EFR3B: variants seen among roughly 807,000 people sequenced by gnomAD.
EFR3B encodes protein EFR3 homolog B.
A neutral mutation model predicts 104.7 loss-of-function variants in EFR3B; 64 were observed. The ratio of observed to expected loss-of-function variants is 0.61; its 90% confidence interval spans 0.50 to 0.75. The LOEUF (loss-of-function observed/expected upper bound fraction) is 0.75, where lower values mean the gene tolerates loss of function less well. Ranked by LOEUF, EFR3B falls within the 30% of genes least tolerant of loss-of-function variation. EFR3B has a pLI of 0.00. For missense variants in EFR3B, 750 were observed against 1,078.5 expected (o/e 0.70, Z 4.27); for synonymous variants, 385 against 417.9 (o/e 0.92, Z 0.96).
Position 25,139,075 on chromosome 2 carries a change from A to G in EFR3B, c.1739A>G (p.Asn580Ser), listed in dbSNP as rs754479374. ...TTGCCGCAGGACGTGGCCCAAGTCA[A>G]TGAGGAGAACTTGCCTGTCTACAAC... ...VLAVQDVAQV[N>S]EENLPVYNRC... Residue 580 changes from asparagine (N) to serine (S), a missense_variant, in exon 16 of 23, where the codon AAT becomes AGT. By Grantham distance (46) the Asn-to-Ser change is conservative (BLOSUM62 1). Coordinates refer to ENST00000403714, the MANE Select transcript of EFR3B (RefSeq NM_014971.2). 71 of 1,551,606 alleles carry G rather than the reference A, an allele frequency of 4.6e-5. No homozygotes were observed. Among genetic ancestry groups the G allele is most frequent in the Non-Finnish European group, 5.9e-5 (68 of 1,146,996 alleles).
chr2:25,128,541 G>A (rs1030941622), intron 6 of EFR3B, among the ~76,000 whole-genome samples: 4 of 152,170 alleles, frequency 2.6e-5, no homozygotes, highest in African/African-American at 4.8e-5. Context: ...TAACATGTGC[G>A]TTACCGAAGG....
chr2:25,059,219 T>C (rs535021265), intron 1 of EFR3B, among the ~76,000 whole-genome samples: 1 of 151,684 alleles, frequency 6.6e-6, no homozygotes, highest in Admixed American at 6.6e-5. Flanking sequence ...ACCAAGCCAT[T>C]CTCTTGCCTC....
chr2:25,090,793 A>G (rs188409859), intron 1 of EFR3B, among the ~76,000 whole-genome samples: 79 of 152,368 alleles, frequency 5.2e-4, no homozygotes, highest in Non-Finnish European at 1.0e-3. Flanking sequence ...GGGAGACTGA[A>G]GAGCAGGGAA....
chr2:25,113,026 C>T (rs1456649450), intron 4 of EFR3B, among the ~76,000 whole-genome samples: 2 of 152,072 alleles, frequency 1.3e-5, no homozygotes, highest in Non-Finnish European at 2.9e-5. Flanking sequence ...AGTTTTCACA[C>T]CATTTTGCCT....
rs1315103993 is a variant in EFR3B at position 25,143,762 on chromosome 2, C to G, written c.1950C>G (p.Val650=). 1 of 1,551,558 alleles carries G rather than the reference C, an allele frequency of 6.4e-7. No homozygotes were observed. Among genetic ancestry groups the G allele is most frequent in the South Asian group, 1.2e-5 (1 of 84,026 alleles). ...TGTCTCAGAATCTTGATGGGGTGGT[C>G]ATTGAGCTCCTCTTCCGCCAGAGCA... ...PRLSQNLDGV[V]IELLFRQSKI... is the part of the protein sequence containing the mutation. The change falls in exon 18 of 23, where the codon GTC becomes GTG. Residue 650 remains valine (V), a synonymous_variant. Coordinates refer to ENST00000403714, the MANE Select transcript of EFR3B (RefSeq NM_014971.2).
At chr2:25,128,467 G>A (rs1220946096) in intron 6 of EFR3B, 135 bp downstream of exon 6, 4 of 1,195,716 alleles carry the variant, frequency 3.3e-6, no homozygotes, top group Non-Finnish European at 4.7e-6. Context: ...TTGTTCTGCA[G>A]TGAGTCCAAA....
intron 4 of EFR3B, among the ~76,000 whole-genome samples, chr2:25,113,536 C>T (rs544783344): frequency 2.0e-5 from 3 of 151,940 alleles, no homozygotes; most frequent in South Asian, 4.2e-4. Flanking sequence ...GGCGTGGTGG[C>T]GGGCGCCTGT....
At chr2:25,109,044 G>C (rs1669646890) in intron 4 of EFR3B, among the ~76,000 whole-genome samples, 1 of 151,710 alleles carries the variant, frequency 6.6e-6, no homozygotes, top group Non-Finnish European at 1.5e-5. Flanking sequence ...ATTAAAACTT[G>C]TATGCACCAA....
chr2:25,076,903 A>T (rs954853185), intron 1 of EFR3B, among the ~76,000 whole-genome samples: 11 of 152,186 alleles, frequency 7.2e-5, no homozygotes, highest in African/African-American at 2.7e-4. Flanking sequence ...TCTCACCCAC[A>T]CTATCTCCCC....
chr2:25,117,754 T>C (rs1330320398), intron 4 of EFR3B, among the ~76,000 whole-genome samples: 3 of 152,052 alleles, frequency 2.0e-5, no homozygotes, highest in Non-Finnish European at 4.4e-5. Flanking sequence ...GCCCACTTTC[T>C]CATCCACCTC....
intron 1 of EFR3B, chr2:25,081,070 C>T: frequency 2.8e-6 from 2 of 725,176 alleles, no homozygotes; most frequent in Admixed American, 1.9e-5. Context: ...AATATAGGAC[C>T]TTGAAATGAC....
At chr2:25,103,129 A>G (rs555060799) in intron 3 of EFR3B, among the ~76,000 whole-genome samples, 18 of 152,086 alleles carry the variant, frequency 1.2e-4, no homozygotes, top group Non-Finnish European at 2.1e-4. Flanking sequence ...TTCTTGTAGG[A>G]TTTATTTTCT....
rs559873161 is a variant in EFR3B at position 25,057,833 on chromosome 2, A to G, written c.7+15514A>G. On this transcript the variant is annotated intron_variant, in intron 1 of 22. Coordinates refer to ENST00000403714, the MANE Select transcript of EFR3B (RefSeq NM_014971.2). ...CAATTGAGCTACAGTAAAATTAAAA[A>G]CTTTTGTGCATCAAATGATGCTTTT... is the stretch of plus-strand genomic sequence containing the variant. Among the ~76,000 whole-genome samples, 133 of 152,234 alleles carry G rather than the reference A, an allele frequency of 8.7e-4. 1 individual carries two copies. Among genetic ancestry groups the G allele is most frequent in the African/African-American group, 3.1e-3 (130 of 41,546 alleles).
intron 5 of EFR3B, among the ~76,000 whole-genome samples, chr2:25,124,177 T>C (rs2099598): frequency 0.24 from 35,980 of 151,902 alleles, 5,215 homozygotes; most frequent in East Asian, 0.53. Context: ...TCCACACACA[T>C]AGCATCATTT....
intron 10 of EFR3B, among the ~76,000 whole-genome samples, chr2:25,132,309 T>C (rs1041251486): frequency 6.6e-6 from 1 of 152,088 alleles, no homozygotes; most frequent in East Asian, 1.9e-4. Flanking sequence ...CCATCAGACC[T>C]GCCTGATGCT....
intron 16 of EFR3B, 40 bp from the exon 17 acceptor site, chr2:25,141,326 C>T (rs1471085166): frequency 6.5e-7 from 1 of 1,546,296 alleles, no homozygotes; most frequent in South Asian, 1.2e-5. Context: ...CTCCCTCTCC[C>T]TGCTGAACCA....
At chr2:25,119,380 C>A (rs899463689) in intron 4 of EFR3B, among the ~76,000 whole-genome samples, 1 of 152,176 alleles carries the variant, frequency 6.6e-6, no homozygotes, top group Non-Finnish European at 1.5e-5. Flanking sequence ...GGAGTGCAGC[C>A]GGGGAACATG....
At chr2:25,093,221 A>G in intron 3 of EFR3B, 91 bp downstream of exon 3, 1 of 1,475,790 alleles carries the variant, frequency 6.8e-7, no homozygotes, top group Non-Finnish European at 9.0e-7. Flanking sequence ...ATGGCCAGGC[A>G]GAGTGGCTCA....
At chr2:25,080,321 T>TTTTTTTTTTTTTTTTTTG in intron 1 of EFR3B, 1 of 724,780 alleles carries the variant, frequency 1.4e-6, no homozygotes, top group Non-Finnish European at 2.1e-6. Context: ...TGAGATGGAG[T>TTTTTTTTTTTTTTTTTTG]TTTGCTCTTG....
Sources: allele counts gnomAD v4.1 joint callset (sites outside exome capture counted in the v4.1 genomes callset), GRCh38; gene constraint gnomAD v4.1.1; transcripts MANE v1.5; gene names NCBI Gene and HGNC (gene_info 2026-07-23, HGNC 2026-07-21).